CACNA2D3: variants seen among roughly 807,000 people sequenced by gnomAD.
CACNA2D3 encodes voltage-dependent calcium channel subunit alpha-2/delta-3.
CACNA2D3 carries 60 observed loss-of-function variants against 160.6 expected under a neutral mutation model. The observed-to-expected ratio is 0.37, with a 90% CI of 0.30 to 0.46. The LOEUF (loss-of-function observed/expected upper bound fraction) is 0.46. Among genes scored for constraint, CACNA2D3 ranks in the 20% least tolerant of loss-of-function variants. CACNA2D3 has a pLI of 1.00. For missense variants in CACNA2D3, 1,205 were observed against 1,365.0 expected (o/e 0.88, Z 1.85); for synonymous variants, 558 against 492.9 (o/e 1.13, Z -1.75).
At chr3:54,449,313 A>T (rs1372155043) in intron 4 of CACNA2D3, among the ~76,000 whole-genome samples, 1 of 152,190 alleles carries the variant, frequency 6.6e-6, no homozygotes, top group East Asian at 1.9e-4. Context: ...TAAATACAGG[A>T]ATTTATCTCT....
At chr3:54,137,166 G>C (rs1699829207) in intron 2 of CACNA2D3, among the ~76,000 whole-genome samples, 1 of 152,210 alleles carries the variant, frequency 6.6e-6, no homozygotes, top group Non-Finnish European at 1.5e-5. Flanking sequence ...ACAGGGTATA[G>C]CCTTTCTCAA....
At chr3:54,534,197 CT>C (rs1575508041) in intron 5 of CACNA2D3, among the ~76,000 whole-genome samples, 1 of 152,304 alleles carries the variant, frequency 6.6e-6, no homozygotes, top group East Asian at 1.9e-4. Flanking sequence ...TCTGGACAGT[CT>C]TTTCTCGACA....
At chr3:54,727,559 A>G (rs991493058) in intron 11 of CACNA2D3, among the ~76,000 whole-genome samples, 2 of 152,230 alleles carry the variant, frequency 1.3e-5, no homozygotes, top group African/African-American at 4.8e-5. Flanking sequence ...CATATACACC[A>G]TGGAATACTA....
At chr3:54,142,097 G>T (rs1204141096) in intron 2 of CACNA2D3, among the ~76,000 whole-genome samples, 1 of 152,230 alleles carries the variant, frequency 6.6e-6, no homozygotes, top group African/African-American at 2.4e-5. Context: ...TCTTTACTGA[G>T]ACCAGAGGGA....
chr3:54,638,321 T>C (rs904048097), intron 10 of CACNA2D3: 1 of 151,882 alleles, frequency 6.6e-6, no homozygotes, highest in Non-Finnish European at 1.5e-5. Context: ...ACTATCTGAT[T>C]TGGGATAAAG....
In CACNA2D3 at chr3:54,879,821, G is replaced by A. The variant is rs145149966; in HGVS notation, c.1844+410G>A. 2.8e-3 allele frequency among the ~76,000 whole-genome samples: 429 copies of A among 152,268 alleles called. 1 individual carries two copies. Among genetic ancestry groups the A allele is most frequent in the Non-Finnish European group, 4.9e-3 (335 of 68,030 alleles). ...TGGCATATCCATTCCTACATGTTGT[G>A]CCTCTGTTTCCATTTCTCTGAACTG... On this transcript the variant is annotated intron_variant, in intron 20 of 37. Coordinates refer to ENST00000474759, the MANE Select transcript of CACNA2D3 (RefSeq NM_018398.3).
At chr3:54,997,679 G>C (rs973237705) in intron 31 of CACNA2D3, among the ~76,000 whole-genome samples, 5 of 152,080 alleles carry the variant, frequency 3.3e-5, no homozygotes, top group African/African-American at 1.2e-4. Context: ...TGAGCTATGT[G>C]CCACTGCACT....
At chr3:54,765,114 CTG>C (rs1188211450) in intron 13 of CACNA2D3, among the ~76,000 whole-genome samples, 2 of 152,160 alleles carry the variant, frequency 1.3e-5, no homozygotes, top group African/African-American at 2.4e-5. Flanking sequence ...ACATTAATCA[CTG>C]TAACCCAGAC....
At chr3:54,143,761 A>T (rs997162229) in intron 2 of CACNA2D3, among the ~76,000 whole-genome samples, 6 of 152,102 alleles carry the variant, frequency 3.9e-5, no homozygotes, top group Non-Finnish European at 7.4e-5. Context: ...GGCCTCCCAA[A>T]GTGCTGGAAT....
At chr3:55,070,310 G>T (rs1704772984) in intron 35 of CACNA2D3, among the ~76,000 whole-genome samples, 1 of 152,208 alleles carries the variant, frequency 6.6e-6, no homozygotes, top group Non-Finnish European at 1.5e-5. Flanking sequence ...GGAGGGAGAT[G>T]TGTGAAGAGA....
chr3:54,790,975 C>T (rs965931731), intron 13 of CACNA2D3, among the ~76,000 whole-genome samples: 13 of 152,144 alleles, frequency 8.5e-5, no homozygotes, highest in African/African-American at 9.7e-5. Flanking sequence ...CTGCTGTGCA[C>T]TATTAACCAG....
intron 2 of CACNA2D3, among the ~76,000 whole-genome samples, chr3:54,190,047 G>A (rs1331123893): frequency 1.3e-5 from 2 of 152,142 alleles, no homozygotes; most frequent in African/African-American, 4.8e-5. Context: ...TCAAGGGAGG[G>A]CCTGTTTCCT....
At chr3:54,914,279 TA>T (rs200595612) in intron 27 of CACNA2D3, among the ~76,000 whole-genome samples, 267 of 148,858 alleles carry the variant, frequency 1.8e-3, no homozygotes, top group Non-Finnish European at 2.6e-3. Context: ...GAAAACAGAT[TA>T]AAAAAAAAAA....
intron 11 of CACNA2D3, among the ~76,000 whole-genome samples, chr3:54,725,884 T>A (rs1272459419): frequency 6.6e-6 from 1 of 152,142 alleles, no homozygotes; most frequent in Admixed American, 6.5e-5. Flanking sequence ...ACCACTCCTA[T>A]TCAACATAGT....
chr3:54,885,701 G>A (rs1417382004), intron 23 of CACNA2D3, 115 bp downstream of exon 23: 10 of 718,358 alleles, frequency 1.4e-5, no homozygotes, highest in Non-Finnish European at 2.2e-5. Context: ...GAGATTATCA[G>A]TCACATGAAA....
intron 14 of CACNA2D3, among the ~76,000 whole-genome samples, chr3:54,832,019 A>G (rs1446158105): frequency 2.2e-5 from 3 of 137,844 alleles, no homozygotes; most frequent in Non-Finnish European, 3.1e-5. Context: ...TGTCACACAC[A>G]CACACACACA....
At position 54,763,740 on chromosome 3, in the gene CACNA2D3, T is replaced by C; in HGVS notation, c.1247-478T>C. Among the ~76,000 whole-genome samples, 3 of 81,384 alleles carry C rather than the reference T, an allele frequency of 3.7e-5. 1 individual carries two copies. The highest frequency in any genetic ancestry group is 9.2e-5 in the Non-Finnish European group (3 of 32,602). The allele number at this position is 81,384 out of a possible 152,430, so 53.4% of individuals were successfully genotyped here. A position where few individuals can be genotyped will look rare whatever the true frequency, so the allele number is the denominator to read the frequency against. On this transcript the variant is annotated intron_variant, in intron 12 of 37. Coordinates refer to ENST00000474759, the MANE Select transcript of CACNA2D3 (RefSeq NM_018398.3). ...GTACATATATACATATATATGTGTATATATGTGCATATATATACACATATA... is the reference window on the plus strand; with the variant it reads ...GTACATATATACATATATATGTGTACATATGTGCATATATATACACATATA...
intron 27 of CACNA2D3, among the ~76,000 whole-genome samples, chr3:54,919,107 T>C: frequency 6.6e-6 from 1 of 152,174 alleles, no homozygotes; most frequent in East Asian, 1.9e-4. Context: ...TGGCAATTAC[T>C]TATGACCAAG....
chr3:54,957,245 A>G (rs1575406311), intron 27 of CACNA2D3, among the ~76,000 whole-genome samples: 1 of 152,100 alleles, frequency 6.6e-6, no homozygotes, highest in East Asian at 1.9e-4. Context: ...ATGCAGCCTC[A>G]AACTCCTGGG....
Sources: gnomAD v4.1 joint callset for allele counts (sites outside exome capture counted in the v4.1 genomes callset) on GRCh38, gnomAD v4.1.1 for gene constraint, MANE v1.5 for transcripts, NCBI Gene and HGNC (gene_info 2026-07-23, HGNC 2026-07-21) for gene names.